The following ABHD2 variants were observed in gnomAD, a reference collection of about 807,000 sequenced individuals.
ABHD2 encodes the protein monoacylglycerol lipase ABHD2.
Under a neutral mutation model 48.1 loss-of-function variants are expected in ABHD2, and 20 were observed. That is an observed-to-expected ratio of 0.42 (90% CI 0.29 to 0.60). The LOEUF is 0.60. Ranked by LOEUF, ABHD2 falls within the 20% of genes least tolerant of loss-of-function variation. The pLI, the probability that ABHD2 is intolerant of heterozygous loss-of-function variation, is 0.24. For missense variants in ABHD2, 405 were observed against 550.9 expected (o/e 0.74, Z 2.65); for synonymous variants, 209 against 214.2 (o/e 0.98, Z 0.21).
upstream of ABHD2, chr15:89,087,426 T>G (rs1302227264): frequency 6.6e-6 from 1 of 152,194 alleles, no homozygotes. This position sits in a 1 kb window ranked among gnomAD's most constrained non-coding sequence, Gnocchi z 5.5. Flanking sequence ...GTCGCTCAAG[T>G]GTTCTATTCT....
chr15:89,127,722 C>CATATATATATATATATATATACACATAT (rs72455898), intron 3 of ABHD2, among the ~76,000 whole-genome samples: 5 of 133,136 alleles, frequency 3.8e-5, no homozygotes, highest in Non-Finnish European at 6.1e-5. Context: ...TATATATACA[C>CATATATATATATATATATATACACATAT]ATATATATAT....
At chr15:89,046,308 A>G in the ABHD2 span, among the ~76,000 whole-genome samples, 1 of 152,210 alleles carries the variant, frequency 6.6e-6, no homozygotes, top group Non-Finnish European at 1.5e-5. Flanking sequence ...CCAGTATTTT[A>G]CTGAGGATTT....
chr15:89,065,773 C>A, the ABHD2 span, among the ~76,000 whole-genome samples: 11 of 152,216 alleles, frequency 7.2e-5, no homozygotes, highest in South Asian at 2.3e-3. Context: ...TCCAGAAGCC[C>A]CCCATGATAT....
In ABHD2 at chr15:89,199,249, AG is replaced by A. The variant is rs1362188700; in HGVS notation, c.*3827del. ...TCAGCAAGCAGATGTCTGAGATGTA[AG>A]AAGCTTTTCTTTTCCTGTGGCATTG... On this transcript the variant is annotated 3_prime_UTR_variant, in exon 11 of 11. Coordinates refer to ENST00000352732, the MANE Select transcript of ABHD2 (RefSeq NM_152924.5). The surrounding 1 kb of genome is among the most constrained non-coding windows in gnomAD (Gnocchi z 4.1). 6.7e-6 allele frequency: 1 copy of A among 150,250 alleles called. No individual in the cohort carries two copies. The highest frequency in any genetic ancestry group is 2.5e-5 in the African/African-American group (1 of 40,612). The allele number at this position is 150,250 out of a possible 1,614,324, so 9.3% of individuals were successfully genotyped here.
At chr15:89,054,254 G>A in the ABHD2 span, among the ~76,000 whole-genome samples, 63,839 of 150,398 alleles carry the variant, frequency 0.42, 15,529 homozygotes, top group Non-Finnish European at 0.56. Flanking sequence ...CCCAGGAGGT[G>A]GAAGTTGCAG....
Position 89,193,284 on chromosome 15 carries a change from A to T in ABHD2, c.1046A>T (p.His349Leu). The T allele has an allele frequency of 6.2e-7, 1 of 1,614,230 alleles. No homozygotes were observed. Among genetic ancestry groups the T allele is most frequent in the Non-Finnish European group, 8.5e-7 (1 of 1,180,040 alleles). Residue 349 changes from histidine to leucine, a missense_variant, in exon 10 of 11, where the codon CAT becomes CTT. His to Leu is a moderately conservative substitution (Grantham distance 99). Coordinates refer to ENST00000352732, the MANE Select transcript of ABHD2 (RefSeq NM_152924.5). ...AATGCAGCTGACGATCCGTTGGTGC[A>T]TGAAAGTCTTCTAACCATTCCAAAA... is the stretch of plus-strand genomic sequence containing the variant. ...LVNAADDPLVHESLLTIPKSL... is the reference protein window; with the variant it reads ...LVNAADDPLVLESLLTIPKSL...
chr15:89,165,332 G>A (rs1188549775), intron 5 of ABHD2, among the ~76,000 whole-genome samples: 2 of 150,928 alleles, frequency 1.3e-5, no homozygotes, highest in African/African-American at 4.9e-5. Flanking sequence ...CTTAACTTTT[G>A]TATAGTTCAT....
intron 5 of ABHD2, among the ~76,000 whole-genome samples, chr15:89,159,984 G>A (rs552432674): frequency 1.3e-5 from 2 of 152,202 alleles, no homozygotes; most frequent in South Asian, 4.1e-4. Context: ...CAAACAAATA[G>A]GACCTTAAAA....
At position 89,091,874 on chromosome 15, in the gene ABHD2, A is replaced by G. The variant is rs2062916808; in HGVS notation, c.-107+3311A>G. Among the ~76,000 whole-genome samples, 1 of 152,214 alleles carries G rather than the reference A, an allele frequency of 6.6e-6. No individual in the cohort carries two copies. The highest frequency in any genetic ancestry group is 6.5e-5 in the Admixed American group (1 of 15,282). ...TAGCCTTTCTGTTTCATCTTGGGCTAAGCTATCCCCAGGAACAGAGCAATG... is the reference window on the plus strand; with the variant it reads ...TAGCCTTTCTGTTTCATCTTGGGCTGAGCTATCCCCAGGAACAGAGCAATG... On this transcript the variant is annotated intron_variant, in intron 1 of 10. Transcript: ENST00000352732. This position sits in a 1 kb window ranked among gnomAD's most constrained non-coding sequence, Gnocchi z 5.5.
At chr15:89,055,175 G>A in the ABHD2 span, among the ~76,000 whole-genome samples, 1 of 152,284 alleles carries the variant, frequency 6.6e-6, no homozygotes, top group African/African-American at 2.4e-5. Context: ...TTCAACCTGA[G>A]TGATGAATTG....
At chr15:89,103,816 G>A (rs979604787) in intron 1 of ABHD2, 2 of 152,286 alleles carry the variant, frequency 1.3e-5, no homozygotes, top group African/African-American at 4.8e-5. Flanking sequence ...GCGGAAGCTG[G>A]GCAGGGCTCC....
intron 1 of ABHD2, among the ~76,000 whole-genome samples, chr15:89,103,570 C>G (rs1260535398): frequency 6.6e-6 from 1 of 152,200 alleles, no homozygotes; most frequent in East Asian, 1.9e-4. Flanking sequence ...AGTTAGGCCT[C>G]AAAATCCTCC....
chr15:89,066,425 C>A, the ABHD2 span, among the ~76,000 whole-genome samples: 1 of 152,168 alleles, frequency 6.6e-6, no homozygotes, highest in African/African-American at 2.4e-5. Flanking sequence ...TATAAAGATA[C>A]CAGTCTTTGG....
Position 89,186,753 on chromosome 15 carries a change from C to G in ABHD2, c.815+1237C>G, listed in dbSNP as rs1020322235. On this transcript the variant is annotated intron_variant, in intron 7 of 10. Coordinates refer to ENST00000352732, the MANE Select transcript of ABHD2 (RefSeq NM_152924.5). This position sits in a 1 kb window ranked among gnomAD's most constrained non-coding sequence, Gnocchi z 4.3. ...AAATTTGGGGGATTTTTGGTATCAC[C>G]CTAGAAAAAGCAATCTGACTAAATG... Among the ~76,000 whole-genome samples, 10 of 152,162 alleles carry G rather than the reference C, an allele frequency of 6.6e-5. No individual in the cohort carries two copies. The highest frequency in any genetic ancestry group is 1.2e-4 in the Non-Finnish European group (8 of 68,024).
At chr15:89,067,488 G>A in the ABHD2 span, among the ~76,000 whole-genome samples, 1 of 152,162 alleles carries the variant, frequency 6.6e-6, no homozygotes, top group African/African-American at 2.4e-5. Flanking sequence ...CCTGGATTCT[G>A]TCCAAGCCAC....
Position 89,120,394 on chromosome 15 carries a change from T to G in ABHD2, c.194+3873T>G, listed in dbSNP as rs1259139927. ...AATCTAGATAGTCATACAAATCTTTTTTTTTCAATAAAAACTTTGATGCAT... is the reference window on the plus strand; with the variant it reads ...AATCTAGATAGTCATACAAATCTTTGTTTTTCAATAAAAACTTTGATGCAT... On this transcript the variant is annotated intron_variant, in intron 3 of 10. Transcript: ENST00000352732. The surrounding 1 kb of genome is among the most constrained non-coding windows in gnomAD (Gnocchi z 4.2). Among the ~76,000 whole-genome samples the G allele has an allele frequency of 6.6e-6, 1 of 152,236 alleles. No homozygotes were observed. The highest frequency in any genetic ancestry group is 2.4e-5 in the African/African-American group (1 of 41,470).
intron 3 of ABHD2, among the ~76,000 whole-genome samples, chr15:89,149,201 G>T (rs866180711): frequency 6.3e-5 from 9 of 143,928 alleles, no homozygotes; most frequent in Non-Finnish European, 7.5e-5. Flanking sequence ...TGATTGTGAG[G>T]CAATTGATCC....
rs559753478 is a variant in ABHD2, at chr15:89,177,119, T to C, written c.722+1124T>C. The stretch of plus-strand genomic sequence containing the variant: ...CCACGATAGACATGAGAAACATCTC[T>C]GATGAAACCCTTCCTGAGTCCCAGG... On this transcript the variant is annotated intron_variant, in intron 6 of 10. Coordinates refer to ENST00000352732, the MANE Select transcript of ABHD2 (RefSeq NM_152924.5). This position sits in a 1 kb window ranked among gnomAD's most constrained non-coding sequence, Gnocchi z 5.6. Among the ~76,000 whole-genome samples the C allele has an allele frequency of 6.6e-6, 1 of 152,288 alleles. No individual in the cohort carries two copies. Among genetic ancestry groups the C allele is most frequent in the East Asian group, 1.9e-4 (1 of 5,160 alleles).
intron 3 of ABHD2, among the ~76,000 whole-genome samples, chr15:89,134,596 G>A (rs1249916289): frequency 6.6e-6 from 1 of 151,904 alleles, no homozygotes; most frequent in Non-Finnish European, 1.5e-5. Context: ...TACTTTTCTT[G>A]GCTATTATAG....
Sources: gnomAD v4.1 joint callset for allele counts (sites outside exome capture counted in the v4.1 genomes callset) on GRCh38, gnomAD v4.1.1 for gene constraint, Gnocchi (gnomAD v3.1) non-coding constraint, MANE v1.5 for transcripts, NCBI Gene and HGNC (gene_info 2026-07-23, HGNC 2026-07-21) for gene names.